Variants in RIMKLB observed in about 807,000 individuals in gnomAD.
The protein encoded by RIMKLB is beta-citrylglutamate synthase B.
A neutral mutation model predicts 32.0 loss-of-function variants in RIMKLB; 7 were observed. The observed-to-expected ratio is 0.22, with a 90% CI of 0.12 to 0.41. The LOEUF (loss-of-function observed/expected upper bound fraction) is 0.41. RIMKLB is among the 10% of genes least tolerant of loss of function. The pLI is 1.00. For synonymous variants in RIMKLB, 172 were observed against 185.1 expected, an observed-to-expected ratio of 0.93 and a Z score of 0.57; for missense variants, 289 against 498.7, an observed-to-expected ratio of 0.58 and a Z score of 4.00.
chr12:8,726,696 T>C (rs1946043068), intron 2 of RIMKLB, among the ~76,000 whole-genome samples: 1 of 152,168 alleles, frequency 6.6e-6, no homozygotes, highest in Non-Finnish European at 1.5e-5. Context: ...AAATGTATGT[T>C]TGTCTATATT....
chr12:8,759,883 A>T (rs938478116), intron 5 of RIMKLB, among the ~76,000 whole-genome samples: 1 of 152,226 alleles, frequency 6.6e-6, no homozygotes, highest in Non-Finnish European at 1.5e-5. Flanking sequence ...TAGAGATTCT[A>T]TTAGAGTGTT....
At chr12:8,682,777 AAAAAT>A (rs1942451403) in intron 1 of RIMKLB, among the ~76,000 whole-genome samples, 2 of 126,810 alleles carry the variant, frequency 1.6e-5, no homozygotes, top group Admixed American at 9.4e-5. Flanking sequence ...CGCCTCAAAA[AAAAAT>A]AAAAATAAAA....
upstream of RIMKLB, among the ~76,000 whole-genome samples, chr12:8,695,183 ACCGCCCCGCCCCCCCGCCCCGCC>A (rs1268760209): frequency 7.0e-6 from 1 of 141,886 alleles, no homozygotes; most frequent in Non-Finnish European, 1.5e-5. Flanking sequence ...CAATTGCCGC[ACCGCCCCGCCCCCCCGCCCCGCC>A]CCGCCCGGCC....
Position 8,698,167 on chromosome 12 carries a change from G to T in RIMKLB, c.-187G>T. The T allele has an allele frequency of 6.1e-6, 2 of 329,718 alleles. No homozygotes were observed. The highest frequency in any genetic ancestry group is 4.1e-5 in the Admixed American group (1 of 24,436). 20.4% of individuals were successfully genotyped at this position (329,718 alleles called of 1,614,324 possible). On this transcript the variant is annotated 5_prime_UTR_variant, in exon 1 of 6. Coordinates refer to ENST00000535829, the MANE Select transcript of RIMKLB (RefSeq NM_001297776.2). ...GCAGTCGGCGGAGGAGAAAGGAGGCGGCTCCCGGTATCCCGACCCCCTCCC... is the reference window on the plus strand; with the variant it reads ...GCAGTCGGCGGAGGAGAAAGGAGGCTGCTCCCGGTATCCCGACCCCCTCCC...
rs755889270 is a variant in RIMKLB at position 8,767,141 on chromosome 12, C to T, written c.698-6180C>T. Among the ~76,000 whole-genome samples, 7 of 152,348 alleles carry T rather than the reference C, an allele frequency of 4.6e-5. No individual in the cohort carries two copies. The South Asian group carries it at 1.5e-3, about 32-fold the overall frequency. ...GGTCACGGAGAAGACCTTCCATTATCAATTATAGGTTTTAAATTTACCCTG... is the reference window on the plus strand; with the variant it reads ...GGTCACGGAGAAGACCTTCCATTATTAATTATAGGTTTTAAATTTACCCTG... On this transcript the variant is annotated intron_variant, in intron 5 of 5. Transcript: ENST00000535829.
At chr12:8,701,586 A>C (rs1943404400) in intron 1 of RIMKLB, among the ~76,000 whole-genome samples, 1 of 150,974 alleles carries the variant, frequency 6.6e-6, no homozygotes, top group Non-Finnish European at 1.5e-5. Flanking sequence ...TTTGTTAACA[A>C]AGCTAATCAT....
chr12:8,761,908 C>A (rs539003387), intron 5 of RIMKLB, among the ~76,000 whole-genome samples: 1 of 152,094 alleles, frequency 6.6e-6, no homozygotes, highest in African/African-American at 2.4e-5. Flanking sequence ...GCTAGCAGGC[C>A]GGTCCAGGGG....
intron 2 of RIMKLB, among the ~76,000 whole-genome samples, chr12:8,718,129 A>G (rs898586894): frequency 6.7e-6 from 1 of 150,320 alleles, no homozygotes; most frequent in South Asian, 2.1e-4. Flanking sequence ...TGTGCCAGCT[A>G]TTCCATTTCC....
chr12:8,723,510 CTGAT>C (rs1379372482), intron 2 of RIMKLB, among the ~76,000 whole-genome samples: 12 of 152,202 alleles, frequency 7.9e-5, no homozygotes, highest in African/African-American at 2.9e-4. Context: ...AAAAATGACA[CTGAT>C]TGACTTGCTT....
intron 5 of RIMKLB, among the ~76,000 whole-genome samples, chr12:8,758,708 G>A (rs757541918): frequency 2.0e-5 from 3 of 152,130 alleles, no homozygotes; most frequent in Non-Finnish European, 4.4e-5. Flanking sequence ...TGATTTTGCT[G>A]TTCAGCATCA....
At chr12:8,747,909 C>T (rs1377741144) in intron 2 of RIMKLB, among the ~76,000 whole-genome samples, 1 of 152,032 alleles carries the variant, frequency 6.6e-6, no homozygotes, top group Non-Finnish European at 1.5e-5. Context: ...GCATGCACCA[C>T]CACACCTGGC....
intron 5 of RIMKLB, among the ~76,000 whole-genome samples, chr12:8,756,238 T>C (rs1949012932): frequency 6.6e-6 from 1 of 151,912 alleles, no homozygotes; most frequent in South Asian, 2.1e-4. Flanking sequence ...GAAAGATTGC[T>C]TGAGCCTGGG....
chr12:8,782,007 CTTTTTTTT>C (rs71659540), downstream of RIMKLB, among the ~76,000 whole-genome samples: 1 of 142,604 alleles, frequency 7.0e-6, no homozygotes, highest in Non-Finnish European at 1.5e-5. Flanking sequence ...CTTATTTCAG[CTTTTTTTT>C]TTTTTCCTTT....
At chr12:8,751,153 G>A (rs748791989) in intron 3 of RIMKLB, among the ~76,000 whole-genome samples, 23 of 152,254 alleles carry the variant, frequency 1.5e-4, no homozygotes, top group Admixed American at 1.5e-3. Context: ...TTTATAACAT[G>A]ATTGTACAAT....
chr12:8,770,255 G>A (rs772198270), intron 5 of RIMKLB, among the ~76,000 whole-genome samples: 10 of 152,286 alleles, frequency 6.6e-5, no homozygotes, highest in South Asian at 4.1e-4. Context: ...GAGCCACCGC[G>A]CCTGGCCTAT....
the RIMKLB span, among the ~76,000 whole-genome samples, chr12:8,673,995 G>C: frequency 6.6e-6 from 1 of 152,038 alleles, no homozygotes; most frequent in East Asian, 1.9e-4. Context: ...ACCATGTTCT[G>C]TTGGTTCAAA....
At chr12:8,764,079 T>C (rs1280501240) in intron 5 of RIMKLB, among the ~76,000 whole-genome samples, 1 of 152,054 alleles carries the variant, frequency 6.6e-6, no homozygotes. Flanking sequence ...CCACTGTCCG[T>C]TGGGTTTCTG....
At chr12:8,701,255 C>T (rs1286769309) in intron 1 of RIMKLB, among the ~76,000 whole-genome samples, 2 of 152,076 alleles carry the variant, frequency 1.3e-5, no homozygotes, top group African/African-American at 4.8e-5. Flanking sequence ...TTCTGCTTGT[C>T]ATATGAGGGA....
In RIMKLB at chr12:8,749,988, G is replaced by A. The variant is rs746816555; in HGVS notation, c.302G>A (p.Arg101Gln). 2.5e-6 allele frequency: 4 copies of A among 1,614,020 alleles called. No homozygotes were observed. Among genetic ancestry groups the A allele is most frequent in the East Asian group, 2.2e-5 (1 of 44,876 alleles). ...VLRHLEKMGC[R>Q]LMNRPQAILN... ...CGCCATCTAGAGAAGATGGGATGTC[G>A]GTTAATGAACCGACCTCAAGCCATC... Residue 101 changes from arginine to glutamine, a missense_variant, in exon 3 of 6, where the codon CGG becomes CAG. By Grantham distance (43) the Arg-to-Gln change is conservative. Transcript: ENST00000535829.
Sources: gnomAD v4.1 joint callset for allele counts (sites outside exome capture counted in the v4.1 genomes callset) on GRCh38, gnomAD v4.1.1 for gene constraint, MANE v1.5 for transcripts, NCBI Gene and HGNC (gene_info 2026-07-23, HGNC 2026-07-21) for gene names.